The following CNTN5 variants were observed in gnomAD, a reference collection of about 807,000 sequenced individuals.
CNTN5 encodes contactin-5.
A neutral mutation model predicts 129.1 loss-of-function variants in CNTN5; 77 were observed. The ratio of observed to expected loss-of-function variants is 0.60; its 90% CI spans 0.50 to 0.72. The LOEUF (loss-of-function observed/expected upper bound fraction) is 0.72. CNTN5 is among the 30% of genes least tolerant of loss of function. The pLI is 0.00. For synonymous variants in CNTN5, 509 were observed against 465.6 expected (o/e 1.09, Z -1.20); for missense variants, 1,478 against 1,328.8 (o/e 1.11, Z -1.75).
intron 3 of CNTN5, among the ~76,000 whole-genome samples, chr11:99,574,406 C>T (rs933118871): frequency 6.6e-6 from 1 of 152,090 alleles, no homozygotes; most frequent in Non-Finnish European, 1.5e-5. Context: ...GATTTATATT[C>T]CTTTGGATAT....
At chr11:99,085,638 A>G (rs1403439593) in intron 1 of CNTN5, among the ~76,000 whole-genome samples, 1 of 152,192 alleles carries the variant, frequency 6.6e-6, no homozygotes, top group African/African-American at 2.4e-5. Flanking sequence ...AGTAGATTTA[A>G]TGATAATTTT....
At chr11:99,213,316 T>G (rs1859913614) in intron 1 of CNTN5, among the ~76,000 whole-genome samples, 1 of 144,688 alleles carries the variant, frequency 6.9e-6, no homozygotes, top group African/African-American at 2.5e-5. Context: ...TATACATATA[T>G]AAAATATATA....
intron 2 of CNTN5, among the ~76,000 whole-genome samples, chr11:99,382,650 G>C (rs1450548905): frequency 6.6e-6 from 1 of 151,778 alleles, no homozygotes; most frequent in Non-Finnish European, 1.5e-5. Flanking sequence ...GCCATGACTT[G>C]AACTCCTGAG....
chr11:99,365,266 G>A (rs1045069582), intron 2 of CNTN5, among the ~76,000 whole-genome samples: 2 of 152,124 alleles, frequency 1.3e-5, no homozygotes, highest in African/African-American at 4.8e-5. Context: ...ATATGGATTT[G>A]TTGAAAAAGA....
At chr11:99,917,162 A>T (rs976674417) in intron 7 of CNTN5, among the ~76,000 whole-genome samples, 4 of 152,076 alleles carry the variant, frequency 2.6e-5, no homozygotes, top group Non-Finnish European at 5.9e-5. Flanking sequence ...ATATTTTTGA[A>T]AACACTTTTA....
intron 6 of CNTN5, among the ~76,000 whole-genome samples, chr11:99,882,776 C>T (rs1474633355): frequency 6.6e-6 from 1 of 152,088 alleles, no homozygotes; most frequent in Admixed American, 6.6e-5. Flanking sequence ...TATAGTTAGC[C>T]TGTCGTGCTA....
intron 9 of CNTN5, among the ~76,000 whole-genome samples, chr11:100,013,774 C>G (rs1393787551): frequency 6.6e-6 from 1 of 152,132 alleles, no homozygotes; most frequent in Non-Finnish European, 1.5e-5. Context: ...GATTTAACAA[C>G]TATATTGCTA....
chr11:99,253,044 T>C (rs377625499), intron 1 of CNTN5, among the ~76,000 whole-genome samples: 2 of 152,020 alleles, frequency 1.3e-5, no homozygotes, highest in African/African-American at 4.8e-5. Flanking sequence ...ATGGTTTGGC[T>C]GTGTCCCCAC....
Position 99,809,342 on chromosome 11 carries a change from AT to A in CNTN5, c.56-10194del, listed in dbSNP as rs574285829. ...TTATAAAGTGATCTCCTTGAGGTTT[AT>A]TTTTTTTCTCTTAGTTTATAAGAAC... On this transcript the variant is annotated intron_variant, in intron 3 of 24. Coordinates refer to ENST00000524871, the MANE Select transcript of CNTN5 (RefSeq NM_014361.4). Among the ~76,000 whole-genome samples, 16 of 151,820 alleles carry A rather than the reference AT, an allele frequency of 1.1e-4. No individual in the cohort carries two copies. In the South Asian group the frequency reaches 3.1e-3, roughly 30 times the overall value.
chr11:99,980,613 G>T (rs76176667), intron 8 of CNTN5, among the ~76,000 whole-genome samples: 4,362 of 152,194 alleles, frequency 0.029, 186 homozygotes, highest in East Asian at 0.19. Flanking sequence ...GAAAAAGTAC[G>T]TATTTTGCAG....
intron 17 of CNTN5, among the ~76,000 whole-genome samples, chr11:100,260,700 G>A (rs1340058135): frequency 6.6e-6 from 1 of 152,070 alleles, no homozygotes; most frequent in Non-Finnish European, 1.5e-5. Context: ...AAAACCACAT[G>A]ATTATCTCAA....
Position 100,358,322 on chromosome 11 carries a change from T to G in CNTN5, c.*2102T>G, listed in dbSNP as rs1266087086. 1.3e-5 allele frequency: 2 copies of G among 151,828 alleles called. No homozygotes were observed. Among genetic ancestry groups the G allele is most frequent in the Non-Finnish European group, 2.9e-5 (2 of 67,818 alleles). 9.4% of individuals were successfully genotyped at this position (151,828 alleles called of 1,614,324 possible). A position where few individuals can be genotyped will look rare whatever the true frequency, so the allele number is the denominator to read the frequency against. On this transcript the variant is annotated 3_prime_UTR_variant, in exon 25 of 25. Transcript: ENST00000524871. The stretch of plus-strand genomic sequence containing the variant: ...TGGCAAATTTAAATTAACCAATATT[T>G]TTAATTAGCTGATGGATGGTACGTA...
intron 16 of CNTN5, among the ~76,000 whole-genome samples, chr11:100,246,667 A>G (rs551414200): frequency 1.3e-5 from 2 of 152,304 alleles, no homozygotes; most frequent in African/African-American, 4.8e-5. Context: ...AACAAATTTG[A>G]GAAAGCAGCA....
intron 6 of CNTN5, among the ~76,000 whole-genome samples, chr11:99,868,278 A>G (rs1055373757): frequency 5.3e-5 from 8 of 152,166 alleles, no homozygotes; most frequent in African/African-American, 1.9e-4. Flanking sequence ...AAAGCATTGT[A>G]TAAGAAAATA....
rs1008427943 is a variant in CNTN5, at chr11:99,734,964, C to T, written c.56-84580C>T. On this transcript the variant is annotated intron_variant, in intron 3 of 24. Coordinates refer to ENST00000524871, the MANE Select transcript of CNTN5 (RefSeq NM_014361.4). ...CGGAGCTTGCAGTGAGCCGAGATAG[C>T]ACCACTGCAGTCCGCCCTGGGGGAA... Among the ~76,000 whole-genome samples, 11 of 152,304 alleles carry T rather than the reference C, an allele frequency of 7.2e-5. 1 individual carries two copies. The highest frequency in any genetic ancestry group is 2.6e-4 in the African/African-American group (11 of 41,570).
At chr11:99,802,745 C>T (rs1226677848) in intron 3 of CNTN5, among the ~76,000 whole-genome samples, 1 of 152,082 alleles carries the variant, frequency 6.6e-6, no homozygotes. Flanking sequence ...CCTGGACATG[C>T]CATGCAGAGG....
intron 3 of CNTN5, among the ~76,000 whole-genome samples, chr11:99,776,305 C>T (rs1253522156): frequency 6.6e-6 from 1 of 151,904 alleles, no homozygotes; most frequent in East Asian, 1.9e-4. Context: ...GTAGAAATGT[C>T]AGGAGAGCTT....
At chr11:99,337,299 C>T (rs954569934) in intron 2 of CNTN5, among the ~76,000 whole-genome samples, 1 of 152,150 alleles carries the variant, frequency 6.6e-6, no homozygotes, top group Non-Finnish European at 1.5e-5. Flanking sequence ...ATTAAAGACA[C>T]ACACACAGAA....
chr11:99,542,284 C>A (rs1329150663), intron 2 of CNTN5, among the ~76,000 whole-genome samples: 2 of 152,040 alleles, frequency 1.3e-5, no homozygotes, highest in Non-Finnish European at 2.9e-5. Context: ...AAATTTGTAA[C>A]TTTGTACCCA....
Sources: allele counts gnomAD v4.1 joint callset (sites outside exome capture counted in the v4.1 genomes callset), GRCh38; gene constraint gnomAD v4.1.1; transcripts MANE v1.5; gene names NCBI Gene and HGNC (gene_info 2026-07-23, HGNC 2026-07-21).